Variants in CSMD2 observed in about 807,000 individuals in gnomAD.
CSMD2 encodes CUB and Sushi multiple domains 2, also known as CUB and sushi domain-containing protein 2.
Under a neutral mutation model 398.5 loss-of-function variants are expected in CSMD2, and 130 were observed. That is an observed-to-expected ratio of 0.33 (90% CI 0.28 to 0.38). The LOEUF (loss-of-function observed/expected upper bound fraction) is 0.38. Ranked by LOEUF, CSMD2 falls within the 10% of genes least tolerant of loss-of-function variation. CSMD2 has a pLI of 1.00. For synonymous variants in CSMD2, 1,828 were observed against 1,908.5 expected (o/e 0.96, Z 1.10); for missense variants, 3,829 against 4,764.9 (o/e 0.80, Z 5.78).
At chr1:34,120,613 C>A (rs753264072) in intron 1 of CSMD2, among the ~76,000 whole-genome samples, 10 of 152,150 alleles carry the variant, frequency 6.6e-5, no homozygotes, top group Non-Finnish European at 1.2e-4. Context: ...GGCGCAATCT[C>A]GGCTCACTGC....
chr1:33,528,432 A>C (rs146472436), intron 64 of CSMD2, among the ~76,000 whole-genome samples: 40 of 152,360 alleles, frequency 2.6e-4, no homozygotes, highest in African/African-American at 9.4e-4. Context: ...CAGCTTTAGC[A>C]AATCTCCTTC....
chr1:33,718,860 G>C (rs922374931), intron 19 of CSMD2, among the ~76,000 whole-genome samples: 1 of 152,224 alleles, frequency 6.6e-6, no homozygotes, highest in Non-Finnish European at 1.5e-5. Context: ...GAGGATTTGG[G>C]CTTCTATAGA....
chr1:33,633,960 G>A lies in CSMD2; in HGVS notation c.5087-425C>T, dbSNP rs1044347604. ...AACGTCAGTTAGTCAGTGTCATTGA[G>A]TTGAAAACTGTATACAGAGATCTGT... On this transcript the variant is annotated intron_variant, in intron 31 of 70. Transcript: ENST00000373381. The surrounding 1 kb of genome is among the most constrained non-coding windows in gnomAD (Gnocchi z 5.0). Among the ~76,000 whole-genome samples, 2 of 152,220 alleles carry A rather than the reference G, an allele frequency of 1.3e-5. No individual in the cohort carries two copies. The highest frequency in any genetic ancestry group is 3.2e-3 in the Middle Eastern group (1 of 316).
At chr1:34,042,405 T>A (rs1321439134) in intron 2 of CSMD2, among the ~76,000 whole-genome samples, 2 of 152,220 alleles carry the variant, frequency 1.3e-5, no homozygotes, top group Non-Finnish European at 2.9e-5. Flanking sequence ...CAGCCTTAAA[T>A]GAGAACCATT....
At chr1:34,116,181 G>T (rs1438719233) in intron 1 of CSMD2, among the ~76,000 whole-genome samples, 2 of 151,964 alleles carry the variant, frequency 1.3e-5, no homozygotes, top group African/African-American at 4.8e-5. Context: ...ATAAAAACAA[G>T]ATCTAACTAT....
chr1:33,838,817 C>T (rs10914799), intron 6 of CSMD2: 13,807 of 152,690 alleles, frequency 0.09, 945 homozygotes, highest in African/African-American at 0.19. Flanking sequence ...AGGATGTTGC[C>T]AACACACAAA....
intron 3 of CSMD2, among the ~76,000 whole-genome samples, chr1:33,963,605 T>A (rs2125402921): frequency 6.6e-6 from 1 of 152,280 alleles, no homozygotes; most frequent in African/African-American, 2.4e-5. Flanking sequence ...ACTGATCTGC[T>A]TTCCCTCACT....
chr1:33,787,262 C>T (rs1026996321), intron 12 of CSMD2, among the ~76,000 whole-genome samples: 1 of 152,162 alleles, frequency 6.6e-6, no homozygotes, highest in South Asian at 2.1e-4. Flanking sequence ...AATAAATGTC[C>T]GTTGTGTGAA....
At chr1:33,549,145 G>A (rs1557518534) in intron 56 of CSMD2, among the ~76,000 whole-genome samples, 3 of 152,278 alleles carry the variant, frequency 2.0e-5, no homozygotes, top group East Asian at 1.9e-4. Flanking sequence ...TAACTTTTGG[G>A]AGGCAGGCTC....
At chr1:33,969,210 A>G (rs1353396707) in intron 3 of CSMD2, among the ~76,000 whole-genome samples, 1 of 152,252 alleles carries the variant, frequency 6.6e-6, no homozygotes, top group Non-Finnish European at 1.5e-5. Context: ...TAAGCATAAC[A>G]TACACAACCA....
At chr1:33,747,799 A>G (rs6672009) in intron 13 of CSMD2, among the ~76,000 whole-genome samples, 8,772 of 152,284 alleles carry the variant, frequency 0.058, 346 homozygotes, top group Admixed American at 0.11. Context: ...TAATTTATCA[A>G]TATAAGTCTC....
At position 34,165,009 on chromosome 1, in the gene CSMD2, G is replaced by A. The variant is rs1327359864; in HGVS notation, c.89C>T (p.Pro30Leu). 105 of 1,208,390 alleles carry A rather than the reference G, an allele frequency of 8.7e-5. 1 individual carries two copies. The East Asian group carries it at 3.4e-3, about 39-fold the overall frequency. The allele number at this position is 1,208,390 out of a possible 1,614,324, so 74.9% of individuals were successfully genotyped here. A position where few individuals can be genotyped will look rare whatever the true frequency, so the allele number is the denominator to read the frequency against. Residue 30 changes from proline to leucine, a missense_variant, in exon 1 of 71, where the codon CCG (proline) becomes CTG (leucine). Transcript: ENST00000373381. ...RGETGISALV[P>L]GAGSRWGRPP... ...GCGGCCCCAGCGGCTCCCGGCGCCC[G>A]GCACAAGCGCCGAAATCCCGGTTTC...
chr1:33,900,242 G>A (rs557075676), intron 5 of CSMD2, among the ~76,000 whole-genome samples: 1 of 152,194 alleles, frequency 6.6e-6, no homozygotes, highest in Admixed American at 6.5e-5. Flanking sequence ...GAGGTCACAC[G>A]ATTAGTTGGT....
rs779044426 is a variant in CSMD2 at position 33,533,185 on chromosome 1, C to T, written c.10036G>A (p.Gly3346Arg). The part of the protein sequence containing the change: ...QPETPTHANV[G>R]ALDLPSMGYT... ...CCCATGGAGGGCAAATCCAGGGCCC[C>T]GACGTTGGCATGCGTTGGCGTCTCT... The change falls in exon 64 of 71, where the codon GGG becomes AGG. Residue 3346 changes from glycine to arginine, a missense_variant. Around this residue, in one of 5 missense-constraint regions of CSMD2, gnomAD observed 917 missense variants for 1,199.5 expected, o/e 0.76. Coordinates refer to ENST00000373381, the MANE Select transcript of CSMD2 (RefSeq NM_001281956.2). This position sits in a 1 kb window ranked among gnomAD's most constrained non-coding sequence, Gnocchi z 4.2. 1.5e-5 allele frequency: 24 copies of T among 1,613,844 alleles called. No homozygotes were observed. Among genetic ancestry groups the T allele is most frequent in the South Asian group, 8.8e-5 (8 of 91,020 alleles).
intron 14 of CSMD2, among the ~76,000 whole-genome samples, chr1:33,742,999 A>G (rs1294964196): frequency 6.6e-6 from 1 of 152,188 alleles, no homozygotes; most frequent in Non-Finnish European, 1.5e-5. Flanking sequence ...AGGTTGGGGC[A>G]AAAATGAGGT....
intron 5 of CSMD2, among the ~76,000 whole-genome samples, chr1:33,911,591 C>G (rs1643445917): frequency 1.3e-5 from 2 of 152,150 alleles, no homozygotes; most frequent in South Asian, 4.1e-4. Flanking sequence ...TCCGTCAAAG[C>G]TCTAAGGACA....
In CSMD2 at chr1:33,600,151, G is replaced by A. The variant is rs189589282; in HGVS notation, c.6856+714C>T. The A allele has an allele frequency of 3.7e-4, 262 of 715,146 alleles. 1 individual carries two copies. In the African/African-American group the frequency reaches 4.1e-3, roughly 11 times the overall value. 44.3% of individuals were successfully genotyped at this position (715,146 alleles called of 1,614,324 possible). ...AAACTGAAGTCTCAAGTGGGGAAGG[G>A]ACCTGTGCAAGGTTTTACACAGCTG... On this transcript the variant is annotated intron_variant, in intron 44 of 70. Coordinates refer to ENST00000373381, the MANE Select transcript of CSMD2 (RefSeq NM_001281956.2).
chr1:34,089,220 G>T lies in CSMD2; in HGVS notation c.188-27C>A. The T allele has an allele frequency of 1.3e-6, 2 of 1,587,676 alleles. 1 individual carries two copies. The highest frequency in any genetic ancestry group is 2.2e-5 in the South Asian group (2 of 89,818). ...TGGGAAAGAGAAATGGAGCAGTTCA[G>T]AATAGCCAGAATAACTCCTAGAAGC... On this transcript the variant is annotated intron_variant, in intron 1 of 70. Coordinates refer to ENST00000373381, the MANE Select transcript of CSMD2 (RefSeq NM_001281956.2).
At chr1:33,826,817 G>C (rs533003049) in intron 6 of CSMD2, among the ~76,000 whole-genome samples, 1 of 152,084 alleles carries the variant, frequency 6.6e-6, no homozygotes, top group Non-Finnish European at 1.5e-5. Context: ...TATATGCCTT[G>C]GAGCAGCTGT....
Sources: allele counts gnomAD v4.1 joint callset (sites outside exome capture counted in the v4.1 genomes callset), GRCh38; gene constraint gnomAD v4.1.1; regional missense constraint gnomAD v4.1.1; non-coding constraint Gnocchi (gnomAD v3.1); transcripts MANE v1.5; gene names NCBI Gene and HGNC (gene_info 2026-07-23, HGNC 2026-07-21).